The following RAPGEF2 variants were observed in gnomAD, a reference collection of about 807,000 sequenced individuals.
RAPGEF2 encodes PDZ domain containing guanine nucleotide exchange factor (GEF) 1.
RAPGEF2 carries 54 observed loss-of-function variants against 186.7 expected under a neutral mutation model. The observed-to-expected ratio is 0.29, with a 90% CI of 0.23 to 0.36. The LOEUF is 0.36. Among genes scored for constraint, RAPGEF2 ranks in the 10% least tolerant of loss-of-function variants. RAPGEF2 has a pLI of 1.00. For missense variants in RAPGEF2, 1,532 were observed against 2,045.0 expected (o/e 0.75, Z 4.84); for synonymous variants, 712 against 705.9 (o/e 1.01, Z -0.14).
At chr4:159,286,732 G>A (rs1331099070) in intron 7 of RAPGEF2, among the ~76,000 whole-genome samples, 1 of 152,180 alleles carries the variant, frequency 6.6e-6, no homozygotes, top group Non-Finnish European at 1.5e-5. Flanking sequence ...AATTTTATCT[G>A]TGATGCTTAC....
At chr4:159,165,232 C>T (rs1394231315) in intron 1 of RAPGEF2, among the ~76,000 whole-genome samples, 1 of 151,998 alleles carries the variant, frequency 6.6e-6, no homozygotes, top group Non-Finnish European at 1.5e-5. Flanking sequence ...TAAATGATGA[C>T]TCATTACAAA....
At chr4:159,295,625 A>G (rs940494471) in intron 7 of RAPGEF2, among the ~76,000 whole-genome samples, 5 of 152,076 alleles carry the variant, frequency 3.3e-5, no homozygotes, top group East Asian at 3.9e-4. Context: ...TGGTTCTAAT[A>G]ATAATTCTAC....
intron 3 of RAPGEF2, among the ~76,000 whole-genome samples, chr4:159,193,695 A>G (rs1313674118): frequency 1.3e-5 from 2 of 152,252 alleles, no homozygotes; most frequent in Non-Finnish European, 2.9e-5. Context: ...GCATCTTTCG[A>G]TAATATTAAT....
At chr4:159,174,844 C>T (rs1213963286) in intron 1 of RAPGEF2, among the ~76,000 whole-genome samples, 1 of 151,320 alleles carries the variant, frequency 6.6e-6, no homozygotes, top group Admixed American at 6.6e-5. Flanking sequence ...GTAGCCTTAA[C>T]TTCCCGGGCT....
intron 7 of RAPGEF2, among the ~76,000 whole-genome samples, chr4:159,294,386 G>T (rs140361377): frequency 6.6e-6 from 1 of 152,110 alleles, no homozygotes; most frequent in African/African-American, 2.4e-5. Context: ...TCTTCTGATC[G>T]TACCAGCAGC....
At chr4:159,168,179 A>C (rs1745527664) in intron 1 of RAPGEF2, among the ~76,000 whole-genome samples, 1 of 152,170 alleles carries the variant, frequency 6.6e-6, no homozygotes, top group Admixed American at 6.5e-5. Context: ...ATACAACAGT[A>C]TGTTGTTTTT....
chr4:159,241,413 G>A, intron 6 of RAPGEF2, 45 bp downstream of exon 6: 2 of 1,228,412 alleles, frequency 1.6e-6, no homozygotes, highest in African/African-American at 1.5e-5. Context: ...CTAGTTTTTT[G>A]TTGGGGTTTT....
intron 1 of RAPGEF2, among the ~76,000 whole-genome samples, chr4:159,139,783 A>G (rs1420532496): frequency 2.0e-5 from 3 of 152,328 alleles, no homozygotes; most frequent in South Asian, 4.1e-4. Flanking sequence ...TCAAGCATAA[A>G]CAACTTTTGC....
chr4:159,200,570 G>GT (rs1194424230), intron 3 of RAPGEF2, among the ~76,000 whole-genome samples: 1 of 149,996 alleles, frequency 6.7e-6, no homozygotes, highest in Non-Finnish European at 1.5e-5. Flanking sequence ...TTGTTTGCTA[G>GT]TTAAAAAAAA....
chr4:159,275,852 T>G (rs1306823715), intron 7 of RAPGEF2, among the ~76,000 whole-genome samples: 1 of 152,054 alleles, frequency 6.6e-6, no homozygotes, highest in Non-Finnish European at 1.5e-5. Flanking sequence ...CCCTCTCTTT[T>G]CTTAGGGAAA....
chr4:159,331,284 T>C, intron 13 of RAPGEF2, 147 bp from the exon 14 acceptor site: 1 of 562,026 alleles, frequency 1.8e-6, no homozygotes, highest in Non-Finnish European at 3.2e-6. Context: ...AAGGTCATCC[T>C]CATTTAAGAT....
At chr4:159,214,484 AAC>A (rs34849505) in intron 4 of RAPGEF2, among the ~76,000 whole-genome samples, 2,365 of 152,326 alleles carry the variant, frequency 0.016, 70 homozygotes, top group African/African-American at 0.054. Flanking sequence ...TGGATAGGAA[AAC>A]ATTGACAATT....
Position 159,341,518 on chromosome 4 carries a change from G to A in RAPGEF2, c.2535-46G>A, listed in dbSNP as rs375168685. The A allele has an allele frequency of 2.6e-6, 4 of 1,518,844 alleles. No homozygotes were observed. The African/African-American group carries it at 4.2e-5, about 16-fold the overall frequency. The allele number at this position is 1,518,844 out of a possible 1,614,324, so 94.1% of individuals were successfully genotyped here. On this transcript the variant is annotated intron_variant, in intron 19 of 29. Coordinates refer to ENST00000691494, the MANE Select transcript of RAPGEF2 (RefSeq NM_001394067.2). ...ATTATTCTTTCAAGGAATATCATGAGATTGCTGCTTAGGCTTTGACTCTGA... is the reference window on the plus strand; with the variant it reads ...ATTATTCTTTCAAGGAATATCATGAAATTGCTGCTTAGGCTTTGACTCTGA...
At chr4:159,319,128 G>T (rs902372638) in intron 9 of RAPGEF2, among the ~76,000 whole-genome samples, 6 of 151,954 alleles carry the variant, frequency 3.9e-5, no homozygotes, top group Admixed American at 2.0e-4. Flanking sequence ...GATACCTATG[G>T]CATTGTCAGA....
At chr4:159,219,671 A>G (rs1328173675) in intron 4 of RAPGEF2, among the ~76,000 whole-genome samples, 1 of 152,172 alleles carries the variant, frequency 6.6e-6, no homozygotes, top group East Asian at 1.9e-4. Context: ...TTATCTTTGA[A>G]GAATTGTTTA....
At chr4:159,107,920 CATT>C (rs1394578144) in intron 1 of RAPGEF2, among the ~76,000 whole-genome samples, 1 of 152,172 alleles carries the variant, frequency 6.6e-6, no homozygotes, top group Admixed American at 6.5e-5. Context: ...CTTATACTCT[CATT>C]ATATTTTAGC....
intron 19 of RAPGEF2, among the ~76,000 whole-genome samples, chr4:159,340,813 ACG>A (rs1729368107): frequency 1.4e-5 from 2 of 143,402 alleles, no homozygotes; most frequent in East Asian, 2.1e-4. Context: ...ACACACACAC[ACG>A]TGTGCGTGCA....
intron 7 of RAPGEF2, among the ~76,000 whole-genome samples, chr4:159,286,034 A>ACCACCACCG (rs1760425673): frequency 2.2e-5 from 2 of 90,518 alleles, no homozygotes; most frequent in Admixed American, 1.0e-4. Flanking sequence ...CCCCCCAACC[A>ACCACCACCG]CCACCACCAC....
At chr4:159,232,289 C>T (rs7659528) in intron 4 of RAPGEF2, among the ~76,000 whole-genome samples, 45,756 of 152,102 alleles carry the variant, frequency 0.3, 8,049 homozygotes, top group Non-Finnish European at 0.4. Flanking sequence ...GCTTTCCAAA[C>T]TGCTTTCTCC....
Sources: allele counts gnomAD v4.1 joint callset (sites outside exome capture counted in the v4.1 genomes callset), GRCh38; gene constraint gnomAD v4.1.1; transcripts MANE v1.5; gene names NCBI Gene and HGNC (gene_info 2026-07-23, HGNC 2026-07-21).